Variants in CACNA1E observed in about 807,000 individuals in gnomAD.
CACNA1E encodes the protein calcium voltage-gated channel subunit alpha1 E.
A neutral mutation model predicts 259.2 loss-of-function variants in CACNA1E; 40 were observed. The observed-to-expected ratio is 0.15, with a 90% CI of 0.12 to 0.20. The LOEUF is 0.20. Among genes scored for constraint, CACNA1E ranks in the 10% least tolerant of loss-of-function variants. CACNA1E has a pLI of 1.00. For synonymous variants in CACNA1E, 1,104 were observed against 1,138.5 expected, an observed-to-expected ratio of 0.97 and a Z score of 0.61; for missense variants, 1,874 against 3,040.1, an observed-to-expected ratio of 0.62 and a Z score of 9.02.
At chr1:181,477,073 C>G (rs1662903682) in intron 2 of CACNA1E, among the ~76,000 whole-genome samples, 1 of 152,132 alleles carries the variant, frequency 6.6e-6, no homozygotes, top group Admixed American at 6.5e-5. Flanking sequence ...ATGCTATAAT[C>G]TTCGTGATCC....
At chr1:181,772,429 T>G (rs556422506) in intron 37 of CACNA1E, among the ~76,000 whole-genome samples, 198 bp downstream of exon 37, 1 of 152,284 alleles carries the variant, frequency 6.6e-6, no homozygotes, top group East Asian at 1.9e-4. Flanking sequence ...TGGAGAACTC[T>G]TGGAGATTAG....
rs1201398954 is a variant in CACNA1E at position 181,425,531 on chromosome 1, T to TCCC, written c.434+11958_434+11960dup. On this transcript the variant is annotated intron_variant, in intron 2 of 11. Coordinates refer to the CACNA1E transcript ENST00000524607. ...TTATGAAATTGCTGTACACCCCCGCTCCCCCCCCCGACCCCAAGCAGAGTT... is the reference window on the plus strand; with the variant it reads ...TTATGAAATTGCTGTACACCCCCGCTCCCCCCCCCCCCGACCCCAAGCAGAGTT... Among the ~76,000 whole-genome samples the TCCC allele has an allele frequency of 6.3e-3, 365 of 57,742 alleles. 6 individuals carry two copies. The highest frequency in any genetic ancestry group is 0.022 in the African/African-American group (355 of 16,224). The allele number at this position is 57,742 out of a possible 152,430, so 37.9% of individuals were successfully genotyped here.
chr1:181,639,334 C>T (rs879416291), intron 6 of CACNA1E, among the ~76,000 whole-genome samples: 1 of 152,196 alleles, frequency 6.6e-6, no homozygotes, highest in Non-Finnish European at 1.5e-5. Flanking sequence ...GTGATCCACC[C>T]ACCTTGGCCT....
At chr1:181,712,390 A>G (rs1386554528) in intron 8 of CACNA1E, among the ~76,000 whole-genome samples, 4 of 152,234 alleles carry the variant, frequency 2.6e-5, no homozygotes, top group Non-Finnish European at 5.9e-5. Context: ...GTGAGGTCAC[A>G]GAGGAAAAAT....
intron 7 of CACNA1E, among the ~76,000 whole-genome samples, chr1:181,674,868 C>A (rs879568758): frequency 6.6e-5 from 10 of 152,208 alleles, no homozygotes; most frequent in Non-Finnish European, 1.5e-4. Flanking sequence ...TGAGTGTCCC[C>A]CAGGTGGCAG....
chr1:181,447,752 C>G (rs1029382556), intron 2 of CACNA1E, among the ~76,000 whole-genome samples: 2 of 152,150 alleles, frequency 1.3e-5, no homozygotes, highest in African/African-American at 4.8e-5. Context: ...TCAGGGAGAA[C>G]GTATTTCCTG....
chr1:181,395,201 A>G (rs931388969), intron 1 of CACNA1E, among the ~76,000 whole-genome samples: 2 of 152,142 alleles, frequency 1.3e-5, no homozygotes, highest in Non-Finnish European at 2.9e-5. Context: ...CTTTTTATAT[A>G]TCTTGTAGGT....
At chr1:181,578,984 G>A (rs1572267346) in intron 4 of CACNA1E, 88 bp from the exon 5 acceptor site, 1 of 1,161,330 alleles carries the variant, frequency 8.6e-7, no homozygotes, top group East Asian at 2.5e-5. Context: ...CAGCATGGAT[G>A]AAACCAATGA....
Position 181,758,465 on chromosome 1 carries a change from C to G in CACNA1E, c.4495-293C>G, listed in dbSNP as rs184000409. 3.0e-4 allele frequency among the ~76,000 whole-genome samples: 46 copies of G among 152,312 alleles called. No homozygotes were observed. In the East Asian group the frequency reaches 6.9e-3, roughly 23 times the overall value. Reference sequence around the variant, plus strand: ...GCTCATCCTATTTAATATTAAATGACTAACTCCAGTAACTAACTCTAGAAA... The same window carrying G: ...GCTCATCCTATTTAATATTAAATGAGTAACTCCAGTAACTAACTCTAGAAA... On this transcript the variant is annotated intron_variant, in intron 31 of 47. Coordinates refer to ENST00000367573, the MANE Select transcript of CACNA1E (RefSeq NM_001205293.3). This position sits in a 1 kb window ranked among gnomAD's most constrained non-coding sequence, Gnocchi z 4.2.
At chr1:181,407,040 T>A (rs1490626047) in intron 1 of CACNA1E, among the ~76,000 whole-genome samples, 1 of 152,224 alleles carries the variant, frequency 6.6e-6, no homozygotes, top group African/African-American at 2.4e-5. Context: ...ACGGACTCTT[T>A]CAACTCCTCC....
intron 3 of CACNA1E, among the ~76,000 whole-genome samples, chr1:181,520,958 C>T (rs1372691405): frequency 6.6e-6 from 1 of 152,192 alleles, no homozygotes; most frequent in Non-Finnish European, 1.5e-5. Context: ...TGACAATGCC[C>T]TCTCTCCTCC....
chr1:181,768,966 C>T (rs1046138365), intron 35 of CACNA1E, among the ~76,000 whole-genome samples: 1 of 152,190 alleles, frequency 6.6e-6, no homozygotes, highest in Non-Finnish European at 1.5e-5. Flanking sequence ...TCCAAACTTT[C>T]AAAGGCGCCT....
chr1:181,533,996 A>G (rs891660787), intron 3 of CACNA1E, among the ~76,000 whole-genome samples: 3 of 152,106 alleles, frequency 2.0e-5, no homozygotes, highest in Non-Finnish European at 4.4e-5. Context: ...ATTAACTACA[A>G]ACAAGTGTTA....
Position 181,758,192 on chromosome 1 carries a change from C to T in CACNA1E, c.4494+81C>T, listed in dbSNP as rs1367245299. On this transcript the variant is annotated intron_variant, in intron 31 of 47. Transcript: ENST00000367573. The surrounding 1 kb of genome is among the most constrained non-coding windows in gnomAD (Gnocchi z 4.2). ...GGCAAGTGGGAAGACACCCCAACAT[C>T]CCAGCCCATCACTGCTTTACCTACT... is the stretch of plus-strand genomic sequence containing the variant. 1 of 1,249,550 alleles carries T rather than the reference C, an allele frequency of 8.0e-7. No homozygotes were observed. The highest frequency in any genetic ancestry group is 1.5e-5 in the African/African-American group (1 of 68,004). The allele number at this position is 1,249,550 out of a possible 1,614,324, so 77.4% of individuals were successfully genotyped here. A position where few individuals can be genotyped will look rare whatever the true frequency, so the allele number is the denominator to read the frequency against.
intron 1 of CACNA1E, among the ~76,000 whole-genome samples, chr1:181,326,995 G>C (rs1455064519): frequency 6.6e-6 from 1 of 152,104 alleles, no homozygotes; most frequent in Non-Finnish European, 1.5e-5. Flanking sequence ...GGGCTGTCCT[G>C]GGTTCTTCTC....
At chr1:181,737,847 A>G (rs1656194653) in intron 23 of CACNA1E, among the ~76,000 whole-genome samples, 193 bp downstream of exon 23, 2 of 152,186 alleles carry the variant, frequency 1.3e-5, no homozygotes, top group Admixed American at 6.5e-5. Flanking sequence ...ACATACTACA[A>G]GGCTCTGCCC....
intron 6 of CACNA1E, among the ~76,000 whole-genome samples, chr1:181,650,959 C>G (rs1002202540): frequency 2.0e-5 from 3 of 152,224 alleles, no homozygotes; most frequent in African/African-American, 7.2e-5. Flanking sequence ...CACAGCCTGC[C>G]TTTGTCTTTT....
chr1:181,423,815 A>G (rs914700808), intron 2 of CACNA1E, among the ~76,000 whole-genome samples: 5 of 152,156 alleles, frequency 3.3e-5, no homozygotes, highest in African/African-American at 7.2e-5. Flanking sequence ...TGGAACCACT[A>G]TTGCCAAAAG....
chr1:181,603,607 G>T (rs757194006), intron 6 of CACNA1E, among the ~76,000 whole-genome samples: 6 of 148,072 alleles, frequency 4.1e-5, no homozygotes, highest in African/African-American at 7.6e-5. Flanking sequence ...GACTTTGCTC[G>T]TGACACATTT....
Sources: gnomAD v4.1 joint callset for allele counts (sites outside exome capture counted in the v4.1 genomes callset) on GRCh38, gnomAD v4.1.1 for gene constraint, Gnocchi (gnomAD v3.1) non-coding constraint, MANE v1.5 for transcripts, NCBI Gene and HGNC (gene_info 2026-07-23, HGNC 2026-07-21) for gene names.